RB1: variants seen among roughly 807,000 people sequenced by gnomAD.
RB1 encodes the protein RB transcriptional corepressor 1, also known as retinoblastoma-associated protein.
A neutral mutation model predicts 135.4 loss-of-function variants in RB1; 18 were observed. The ratio of observed to expected loss-of-function variants is 0.13; its 90% CI spans 0.09 to 0.20. The LOEUF (loss-of-function observed/expected upper bound fraction) is 0.20, where lower values mean the gene tolerates loss of function less well. Among genes scored for constraint, RB1 ranks in the 10% least tolerant of loss-of-function variants. RB1 has a pLI of 1.00. For synonymous variants in RB1, 365 were observed against 373.2 expected (o/e 0.98, Z 0.25); for missense variants, 868 against 1,110.0 (o/e 0.78, Z 3.10).
intron 11 of RB1, 126 bp downstream of exon 11, chr13:48,368,730 G>T (rs1952729101): frequency 1.5e-6 from 2 of 1,365,266 alleles, no homozygotes; most frequent in Non-Finnish European, 1.9e-6. Context: ...TGAAGGCCAG[G>T]TGTGGTGGAT....
At chr13:48,337,133 TG>T (rs1161341808) in intron 2 of RB1, among the ~76,000 whole-genome samples, 1 of 152,200 alleles carries the variant, frequency 6.6e-6, no homozygotes, top group Non-Finnish European at 1.5e-5. Context: ...AAGTGTGATA[TG>T]CTGAGAAGAA....
At chr13:48,437,389 T>C (rs989655089) in intron 17 of RB1, among the ~76,000 whole-genome samples, 7 of 152,224 alleles carry the variant, frequency 4.6e-5, no homozygotes, top group Admixed American at 1.3e-4. Flanking sequence ...TTAAAAAAGA[T>C]CAATTGCTAT....
chr13:48,445,393 A>G (rs1198192892), intron 17 of RB1, among the ~76,000 whole-genome samples: 2 of 152,188 alleles, frequency 1.3e-5, no homozygotes, highest in African/African-American at 2.4e-5. Flanking sequence ...ACGTTTTACC[A>G]TGGTCTTTCA....
intron 2 of RB1, among the ~76,000 whole-genome samples, chr13:48,314,511 T>C (rs1268453767): frequency 6.6e-6 from 1 of 152,108 alleles, no homozygotes; most frequent in African/African-American, 2.4e-5. Flanking sequence ...TAAGAGCAGC[T>C]AAAATCAGTT....
chr13:48,379,775 A>T, intron 14 of RB1, 125 bp downstream of exon 14: 1 of 1,255,636 alleles, frequency 8.0e-7, no homozygotes, highest in Non-Finnish European at 1.1e-6. Context: ...TCCTGGCCAA[A>T]ATGGTGAAAC....
chr13:48,404,979 A>C (rs1265028728), intron 17 of RB1, among the ~76,000 whole-genome samples: 2 of 152,232 alleles, frequency 1.3e-5, no homozygotes, highest in East Asian at 3.8e-4. Flanking sequence ...ATATGACAGC[A>C]AAATGAAATT....
chr13:48,361,964 G>A (rs1952645357), intron 7 of RB1, among the ~76,000 whole-genome samples: 1 of 142,998 alleles, frequency 7.0e-6, no homozygotes, highest in Non-Finnish European at 1.5e-5. Flanking sequence ...TTTTTTTGAG[G>A]CAGAGTCTCA....
chr13:48,348,848 A>ATTT, intron 5 of RB1, 108 bp from the exon 6 acceptor site: 1 of 1,090,998 alleles, frequency 9.2e-7, no homozygotes, highest in Non-Finnish European at 1.2e-6. Flanking sequence ...AACTAAGGTC[A>ATTT]TTTTTTTTTT....
intron 2 of RB1, among the ~76,000 whole-genome samples, chr13:48,312,207 A>T (rs954464047): frequency 6.6e-6 from 1 of 152,136 alleles, no homozygotes; most frequent in African/African-American, 2.4e-5. Flanking sequence ...TTTTGATTTT[A>T]ACCTATTTCT....
In RB1 at chr13:48,303,959, C is replaced by T. The variant is rs2138027357; in HGVS notation, c.47C>T (p.Ala16Val). The change falls in exon 1 of 27, where the codon GCC (alanine) becomes GTC (valine). Residue 16 changes from alanine (A) to valine (V), a missense_variant. Around this residue, in one of 3 missense-constraint regions of RB1, gnomAD observed 641 missense variants for 791.3 expected, o/e 0.81. Transcript: ENST00000267163. Reference sequence around the variant, plus strand: ...AAAACGGCCGCCACCGCCGCCGCTGCCGCCGCGGAACCCCCGGCACCGCCG... The same window carrying T: ...AAAACGGCCGCCACCGCCGCCGCTGTCGCCGCGGAACCCCCGGCACCGCCG... ...PRKTAATAAA[A>V]AAEPPAPPPP... 1 of 1,509,230 alleles carries T rather than the reference C, an allele frequency of 6.6e-7. No homozygotes were observed. The highest frequency in any genetic ancestry group is 2.1e-5 in the Admixed American group (1 of 48,592). The allele number at this position is 1,509,230 out of a possible 1,614,324, so 93.5% of individuals were successfully genotyped here. A position where few individuals can be genotyped will look rare whatever the true frequency, so the allele number is the denominator to read the frequency against.
intron 17 of RB1, among the ~76,000 whole-genome samples, chr13:48,433,221 T>G (rs1949147892): frequency 1.3e-5 from 2 of 152,132 alleles, no homozygotes; most frequent in African/African-American, 4.8e-5. Flanking sequence ...CGTTAATTTT[T>G]TTTTCAAAAA....
chr13:48,391,909 C>T (rs559495803), intron 17 of RB1, among the ~76,000 whole-genome samples: 21 of 152,172 alleles, frequency 1.4e-4, no homozygotes, highest in East Asian at 9.7e-4. Context: ...CATGAGCCAC[C>T]GCACCCAGCC....
intron 2 of RB1, chr13:48,318,091 A>T: frequency 1.9e-6 from 1 of 533,282 alleles, no homozygotes; most frequent in East Asian, 3.9e-5. Context: ...GCGGAGGCAG[A>T]GGCGCATCCC....
chr13:48,319,729 C>A lies in RB1; in HGVS notation c.264+12323C>A. 1 of 261,958 alleles carries A rather than the reference C, an allele frequency of 3.8e-6. No homozygotes were observed. The highest frequency in any genetic ancestry group is 5.6e-5 in the South Asian group (1 of 17,798). The allele number at this position is 261,958 out of a possible 1,614,324, so 16.2% of individuals were successfully genotyped here. On this transcript the variant is annotated intron_variant, in intron 2 of 26. Coordinates refer to ENST00000267163, the MANE Select transcript of RB1 (RefSeq NM_000321.3). The surrounding 1 kb of genome is among the most constrained non-coding windows in gnomAD (Gnocchi z 5.0). ...GACTTGGTCGAATTTTCGTTTGGGTCTGGTTTTTTATCTATTGACCCCATC... is the reference window on the plus strand; with the variant it reads ...GACTTGGTCGAATTTTCGTTTGGGTATGGTTTTTTATCTATTGACCCCATC...
chr13:48,449,120 T>C (rs1369837912), intron 17 of RB1, among the ~76,000 whole-genome samples: 1 of 152,178 alleles, frequency 6.6e-6, no homozygotes, highest in East Asian at 1.9e-4. Context: ...TTTTTTTTTC[T>C]TTCTTTTTAA....
chr13:48,465,397 A>G (rs2138346417), intron 23 of RB1, 29 bp downstream of exon 23: 1 of 1,543,712 alleles, frequency 6.5e-7, no homozygotes, highest in Non-Finnish European at 9.0e-7. Flanking sequence ...GGGAAGTAGT[A>G]AAGAATGAGA....
At position 48,376,935 on chromosome 13, in the gene RB1, A is replaced by G. The variant is rs754078025; in HGVS notation, c.1233A>G (p.Pro411=). Residue 411 remains proline (P), a synonymous_variant, in exon 13 of 27, where the codon CCA becomes CCG. Coordinates refer to ENST00000267163, the MANE Select transcript of RB1 (RefSeq NM_000321.3). ...ISYFNNCTVN[P]KESILKRVKD... ...TCCTAAAGAACTGCACAGTGAATCCAAAAGAAAGTATACTGAAAAGAGTGA... is the reference window on the plus strand; with the variant it reads ...TCCTAAAGAACTGCACAGTGAATCCGAAAGAAAGTATACTGAAAAGAGTGA... 1 of 1,613,730 alleles carries G rather than the reference A, an allele frequency of 6.2e-7. No individual in the cohort carries two copies. The highest frequency in any genetic ancestry group is 8.5e-7 in the Non-Finnish European group (1 of 1,179,826).
chr13:48,459,951 T>TTCTTTCTTTCTC lies in RB1; in HGVS notation c.2106+119_2106+120insCTTTCTTTCTCT, dbSNP rs747042227. On this transcript the variant is annotated intron_variant, in intron 20 of 26. Coordinates refer to ENST00000267163, the MANE Select transcript of RB1 (RefSeq NM_000321.3). ...TTTCTTTCTTTCTTTCTTTCTTTCTTTTTCTTTCTTTCTTTCTCTCTTTCT... is the reference window on the plus strand; with the variant it reads ...TTTCTTTCTTTCTTTCTTTCTTTCTTTCTTTCTTTCTCTTTCTTTCTTTCTTTCTCTCTTTCT... The TTCTTTCTTTCTC allele has an allele frequency of 2.0e-5, 8 of 398,682 alleles. 1 individual carries two copies. The Admixed American group carries it at 2.4e-4, about 12-fold the overall frequency. The allele number at this position is 398,682 out of a possible 1,614,324, so 24.7% of individuals were successfully genotyped here. A position where few individuals can be genotyped will look rare whatever the true frequency, so the allele number is the denominator to read the frequency against.
At chr13:48,349,173 T>A in intron 6 of RB1, 150 bp downstream of exon 6, 1 of 759,308 alleles carries the variant, frequency 1.3e-6, no homozygotes, top group South Asian at 3.1e-5. Flanking sequence ...GTTCCTATAA[T>A]TCTGGTACTA....
Sources: allele counts gnomAD v4.1 joint callset (sites outside exome capture counted in the v4.1 genomes callset), GRCh38; gene constraint gnomAD v4.1.1; regional missense constraint gnomAD v4.1.1; non-coding constraint Gnocchi (gnomAD v3.1); transcripts MANE v1.5; gene names NCBI Gene and HGNC (gene_info 2026-07-23, HGNC 2026-07-21).